The following ADAMTS3 variants were observed in gnomAD, a reference collection of about 807,000 sequenced individuals.
ADAMTS3 encodes the protein A disintegrin and metalloproteinase with thrombospondin motifs 3.
A neutral mutation model predicts 129.0 loss-of-function variants in ADAMTS3; 73 were observed. The ratio of observed to expected loss-of-function variants is 0.57; its 90% CI spans 0.47 to 0.69. The LOEUF (loss-of-function observed/expected upper bound fraction) is 0.69. Ranked by LOEUF, ADAMTS3 falls within the 30% of genes least tolerant of loss-of-function variation. ADAMTS3 has a pLI of 0.00. For missense variants in ADAMTS3, 1,457 were observed against 1,514.5 expected, an observed-to-expected ratio of 0.96 and a Z score of 0.63; for synonymous variants, 477 against 510.8, an observed-to-expected ratio of 0.93 and a Z score of 0.89.
chr4:72,506,341 T>A (rs1401321057), intron 3 of ADAMTS3, among the ~76,000 whole-genome samples: 3 of 152,064 alleles, frequency 2.0e-5, no homozygotes, highest in Non-Finnish European at 2.9e-5. Flanking sequence ...CAGATCCAGG[T>A]TGTCAAGCTG....
At chr4:72,434,584 T>A (rs1357409443) in intron 3 of ADAMTS3, among the ~76,000 whole-genome samples, 1 of 151,770 alleles carries the variant, frequency 6.6e-6, no homozygotes, top group Non-Finnish European at 1.5e-5. Flanking sequence ...AGTGTGCACA[T>A]CCTGCATAAT....
intron 4 of ADAMTS3, among the ~76,000 whole-genome samples, chr4:72,399,522 T>C (rs1368530854): frequency 2.0e-5 from 3 of 152,144 alleles, no homozygotes; most frequent in Non-Finnish European, 4.4e-5. Context: ...TCAATATTTA[T>C]TGAAGACCTA....
At chr4:72,400,331 TAC>T (rs1410921045) in intron 4 of ADAMTS3, among the ~76,000 whole-genome samples, 1 of 143,228 alleles carries the variant, frequency 7.0e-6, no homozygotes. Flanking sequence ...TGTGTATATA[TAC>T]ACACGGTGTG....
chr4:72,433,561 T>A (rs772531735), intron 3 of ADAMTS3, among the ~76,000 whole-genome samples: 4 of 151,966 alleles, frequency 2.6e-5, no homozygotes, highest in Non-Finnish European at 4.4e-5. Context: ...CAGATTTTCT[T>A]TAATTCTCCT....
chr4:72,541,383 T>G (rs932108273), intron 3 of ADAMTS3, among the ~76,000 whole-genome samples: 3 of 152,200 alleles, frequency 2.0e-5, no homozygotes, highest in Non-Finnish European at 4.4e-5. Context: ...TACAGGCTCA[T>G]AGGTGGAAGG....
intron 10 of ADAMTS3, among the ~76,000 whole-genome samples, chr4:72,317,306 T>TTAA (rs923305489): frequency 6.6e-6 from 1 of 152,158 alleles, no homozygotes; most frequent in African/African-American, 2.4e-5. Context: ...ATTTAAAACA[T>TTAA]TAATGCAAGT....
At position 72,319,913 on chromosome 4, in the gene ADAMTS3, T is replaced by C; in HGVS notation, c.1153A>G (p.Asn385Asp). 1 of 1,613,962 alleles carries C rather than the reference T, an allele frequency of 6.2e-7. No homozygotes were observed. Among genetic ancestry groups the C allele is most frequent in the Non-Finnish European group, 8.5e-7 (1 of 1,179,928 alleles). ...MCHPVRSCTL[N>D]HEDGFSSAFV... ...GCAGATGAAAAACCATCCTCATGAT[T>C]CAGGGTACAACTTCTCACTGGATGA... The change falls in exon 8 of 22, where the codon AAT (asparagine) becomes GAT (aspartate). Residue 385 changes from asparagine (N) to aspartate (D), a missense_variant. Asn to Asp is a conservative substitution (Grantham distance 23). Coordinates refer to ENST00000286657, the MANE Select transcript of ADAMTS3 (RefSeq NM_014243.3).
chr4:72,394,994 G>A (rs543367557), intron 4 of ADAMTS3, among the ~76,000 whole-genome samples: 15 of 151,400 alleles, frequency 9.9e-5, no homozygotes, highest in East Asian at 2.0e-4. Context: ...GCACGATCTC[G>A]ACTCACTGCA....
intron 4 of ADAMTS3, among the ~76,000 whole-genome samples, chr4:72,353,026 C>T (rs1720484871): frequency 6.6e-6 from 1 of 151,954 alleles, no homozygotes; most frequent in Non-Finnish European, 1.5e-5. Flanking sequence ...GGAATGTTTT[C>T]GTTCATTCTC....
chr4:72,457,429 T>C (rs1202073577), intron 3 of ADAMTS3, among the ~76,000 whole-genome samples: 2 of 151,692 alleles, frequency 1.3e-5, no homozygotes, highest in African/African-American at 2.4e-5. Flanking sequence ...TACCTCAAAT[T>C]AGATATTACA....
intron 4 of ADAMTS3, among the ~76,000 whole-genome samples, chr4:72,394,349 C>T (rs955352117): frequency 1.3e-5 from 2 of 152,120 alleles, no homozygotes; most frequent in African/African-American, 4.8e-5. Flanking sequence ...TTCTACAAGT[C>T]CAGTCATGTG....
At chr4:72,315,474 T>C (rs906821453) in intron 11 of ADAMTS3, among the ~76,000 whole-genome samples, 6 of 151,448 alleles carry the variant, frequency 4.0e-5, no homozygotes, top group South Asian at 2.1e-4. Flanking sequence ...GAAACTGGAG[T>C]GGTGCAGCCA....
rs1357300703 is a variant in ADAMTS3 at position 72,569,097 on chromosome 4, C to CT, written c.-336dup. 2.8e-6 allele frequency: 1 copy of CT among 357,608 alleles called. No homozygotes were observed. The highest frequency in any genetic ancestry group is 5.1e-6 in the Non-Finnish European group (1 of 196,322). The allele number at this position is 357,608 out of a possible 1,614,324, so 22.2% of individuals were successfully genotyped here. A position where few individuals can be genotyped will look rare whatever the true frequency, so the allele number is the denominator to read the frequency against. On this transcript the variant is annotated 5_prime_UTR_variant, in exon 1 of 22. It removes the in-frame stop codon of an upstream open reading frame in the 5' UTR. Coordinates refer to ENST00000286657, the MANE Select transcript of ADAMTS3 (RefSeq NM_014243.3). Reference sequence around the variant, plus strand: ...TTCCAACTATCTCTGCCCAAAGCAGCTTTTTCGAGGCTTTTCGAGCACCAT... The same window carrying CT: ...TTCCAACTATCTCTGCCCAAAGCAGCTTTTTTCGAGGCTTTTCGAGCACCAT...
intron 3 of ADAMTS3, among the ~76,000 whole-genome samples, chr4:72,503,917 T>A (rs1720088667): frequency 6.6e-6 from 1 of 152,218 alleles, no homozygotes; most frequent in Non-Finnish European, 1.5e-5. Context: ...AGAATACTTA[T>A]CCCTGCTCTT....
At chr4:72,520,117 T>C (rs185231998) in intron 3 of ADAMTS3, among the ~76,000 whole-genome samples, 1,764 of 152,328 alleles carry the variant, frequency 0.012, 35 homozygotes, top group African/African-American at 0.041. Flanking sequence ...AGACCCTGTT[T>C]GCCTGGGTAT....
At chr4:72,393,159 C>T (rs1463769648) in intron 4 of ADAMTS3, among the ~76,000 whole-genome samples, 2 of 151,966 alleles carry the variant, frequency 1.3e-5, no homozygotes, top group Non-Finnish European at 1.5e-5. Flanking sequence ...CTCCTGACCT[C>T]GTGATCCACC....
chr4:72,387,614 C>T (rs1436596941), intron 4 of ADAMTS3, among the ~76,000 whole-genome samples: 1 of 152,118 alleles, frequency 6.6e-6, no homozygotes, highest in Non-Finnish European at 1.5e-5. Context: ...CTGAGTGAGC[C>T]TTATCTCACT....
chr4:72,373,788 T>A (rs1366554266), intron 4 of ADAMTS3, among the ~76,000 whole-genome samples: 13 of 151,774 alleles, frequency 8.6e-5, no homozygotes, highest in Admixed American at 8.5e-4. Flanking sequence ...TCATGGCAGC[T>A]ATTTGGGAGG....
At chr4:72,534,684 G>A (rs1448527797) in intron 3 of ADAMTS3, among the ~76,000 whole-genome samples, 1 of 152,154 alleles carries the variant, frequency 6.6e-6, no homozygotes. Context: ...GGAACAAAAA[G>A]AATCACTGAC....
Sources: gnomAD v4.1 joint callset for allele counts (sites outside exome capture counted in the v4.1 genomes callset) on GRCh38, gnomAD v4.1.1 for gene constraint, MANE v1.5 for transcripts, NCBI Gene and HGNC (gene_info 2026-07-23, HGNC 2026-07-21) for gene names.